The following MBOAT1 variants were observed in gnomAD, a reference collection of about 807,000 sequenced individuals.
MBOAT1 encodes membrane bound glycerophospholipid O-acyltransferase 1.
MBOAT1 carries 67 observed loss-of-function variants against 64.4 expected under a neutral mutation model. The ratio of observed to expected loss-of-function variants is 1.04; its 90% CI spans 0.85 to 1.27. The LOEUF (loss-of-function observed/expected upper bound fraction) is 1.27, where lower values mean the gene tolerates loss of function less well. Among genes scored for constraint, MBOAT1 ranks in the 50% most tolerant of loss-of-function variants. The pLI, the probability that MBOAT1 is intolerant of heterozygous loss-of-function variation, is 0.00. For missense variants in MBOAT1, 563 were observed against 604.6 expected, an observed-to-expected ratio of 0.93 and a Z score of 0.72; for synonymous variants, 229 against 218.9, an observed-to-expected ratio of 1.05 and a Z score of -0.41.
At chr6:20,200,686 G>T (rs72826633) in intron 1 of MBOAT1, among the ~76,000 whole-genome samples, 2 of 152,186 alleles carry the variant, frequency 1.3e-5, no homozygotes, top group Non-Finnish European at 2.9e-5. Flanking sequence ...GTAGCACTCC[G>T]GAGTGTCCAT....
chr6:20,156,257 C>T (rs1239526490), intron 1 of MBOAT1, among the ~76,000 whole-genome samples: 2 of 139,476 alleles, frequency 1.4e-5, no homozygotes, highest in African/African-American at 5.5e-5. Context: ...GGCGACAGGG[C>T]GAGACTCCCT....
At chr6:20,187,082 C>A (rs1290348532) in intron 1 of MBOAT1, among the ~76,000 whole-genome samples, 1 of 152,166 alleles carries the variant, frequency 6.6e-6, no homozygotes, top group Non-Finnish European at 1.5e-5. Context: ...TAAAGTCCTC[C>A]CAAAGACATG....
chr6:20,197,012 C>T (rs1762974128), intron 1 of MBOAT1, among the ~76,000 whole-genome samples: 1 of 152,024 alleles, frequency 6.6e-6, no homozygotes, highest in African/African-American at 2.4e-5. Flanking sequence ...GGTTATATAC[C>T]AATGTTGGTT....
chr6:20,105,656 C>T (rs545331251), intron 12 of MBOAT1, among the ~76,000 whole-genome samples: 93 of 152,116 alleles, frequency 6.1e-4, no homozygotes, highest in African/African-American at 2.0e-3. Flanking sequence ...CCCAGCTACT[C>T]GGGAGGCTGA....
rs1321530902 is a variant in MBOAT1 at position 20,100,116 on chromosome 6, A to C, written c.*2170T>G. Among the ~76,000 whole-genome samples, 1 of 152,174 alleles carries C rather than the reference A, an allele frequency of 6.6e-6. No homozygotes were observed. The highest frequency in any genetic ancestry group is 1.9e-4 in the East Asian group (1 of 5,184). ...TGAGGGCTTGAGAGAGTCCTTGGCA[A>C]ACCAGGGCAGCTGGTCACCAAAGCA... On this transcript the variant is annotated 3_prime_UTR_variant, in exon 13 of 13. Coordinates refer to ENST00000324607, the MANE Select transcript of MBOAT1 (RefSeq NM_001080480.3).
rs879232517 is a variant in MBOAT1 at position 20,152,771 on chromosome 6, T to A, written c.100-2A>T. The A allele has an allele frequency of 3.1e-6, 5 of 1,601,846 alleles. No individual in the cohort carries two copies. Among genetic ancestry groups the A allele is most frequent in the Non-Finnish European group, 4.3e-6 (5 of 1,174,470 alleles). On this transcript the variant is annotated splice_acceptor_variant, in intron 1 of 12. Transcript: ENST00000324607. LOFTEE classifies it high-confidence loss of function. ...AAGCTGGCATACCACAAAATTCACC[T>A]GTGGCAGGGGAAGAGAAAATAAAAA...
At chr6:20,207,954 C>A (rs1281419854) in intron 1 of MBOAT1, among the ~76,000 whole-genome samples, 1 of 152,104 alleles carries the variant, frequency 6.6e-6, no homozygotes, top group Non-Finnish European at 1.5e-5. Context: ...TGATTTTTTT[C>A]ATCTTTGTAT....
At chr6:20,120,725 A>G (rs1280552201) in intron 8 of MBOAT1, among the ~76,000 whole-genome samples, 2 of 152,168 alleles carry the variant, frequency 1.3e-5, no homozygotes, top group Admixed American at 6.5e-5. Context: ...TCAATCCTAG[A>G]ACTTGATTCC....
chr6:20,212,329 G>A lies in MBOAT1; in HGVS notation c.-95C>T. On this transcript the variant is annotated 5_prime_UTR_variant, in exon 1 of 13. Coordinates refer to ENST00000324607, the MANE Select transcript of MBOAT1 (RefSeq NM_001080480.3). Reference sequence around the variant, plus strand: ...GGGTGCTCTTGGGTGGTTGCCCCGAGAGGCGCACGGCCGCCTGGTTCGCGG... The same window carrying A: ...GGGTGCTCTTGGGTGGTTGCCCCGAAAGGCGCACGGCCGCCTGGTTCGCGG... 8.7e-7 allele frequency: 1 copy of A among 1,148,456 alleles called. No individual in the cohort carries two copies. Among genetic ancestry groups the A allele is most frequent in the South Asian group, 1.4e-5 (1 of 72,794 alleles). 71.1% of individuals were successfully genotyped at this position (1,148,456 alleles called of 1,614,324 possible).
At chr6:20,130,734 T>C (rs530821718) in intron 5 of MBOAT1, among the ~76,000 whole-genome samples, 23 of 151,928 alleles carry the variant, frequency 1.5e-4, no homozygotes, top group African/African-American at 4.3e-4. Context: ...CAACCTAGCA[T>C]TTAAAAATGA....
At chr6:20,188,143 T>C (rs973035005) in intron 1 of MBOAT1, among the ~76,000 whole-genome samples, 1 of 152,210 alleles carries the variant, frequency 6.6e-6, no homozygotes, top group Admixed American at 6.5e-5. Flanking sequence ...GATGCCTCAG[T>C]CTTTGTAGAG....
chr6:20,193,618 T>C (rs1053441410), intron 1 of MBOAT1, among the ~76,000 whole-genome samples: 1 of 151,060 alleles, frequency 6.6e-6, no homozygotes, highest in African/African-American at 2.4e-5. Flanking sequence ...TTTTTTTTTT[T>C]TTTTTTAAAG....
chr6:20,174,242 C>T (rs1762279797), intron 1 of MBOAT1, among the ~76,000 whole-genome samples: 1 of 152,172 alleles, frequency 6.6e-6, no homozygotes, highest in South Asian at 2.1e-4. Context: ...TCCTGCGTCG[C>T]TTAACAATGG....
intron 1 of MBOAT1, among the ~76,000 whole-genome samples, chr6:20,162,025 C>T (rs1371855802): frequency 6.6e-6 from 1 of 152,086 alleles, no homozygotes; most frequent in Non-Finnish European, 1.5e-5. Flanking sequence ...CTGTGTCTTC[C>T]CTGTGTGTGT....
chr6:20,127,140 G>A (rs1405599559), intron 6 of MBOAT1, among the ~76,000 whole-genome samples: 1 of 152,122 alleles, frequency 6.6e-6, no homozygotes, highest in African/African-American at 2.4e-5. Context: ...ACAAATGATG[G>A]GTGGAACCAG....
At chr6:20,154,425 T>C (rs1382199556) in intron 1 of MBOAT1, among the ~76,000 whole-genome samples, 3 of 151,922 alleles carry the variant, frequency 2.0e-5, no homozygotes, top group Admixed American at 1.3e-4. Flanking sequence ...CCCAGCTACT[T>C]GGGAGGCTGA....
rs796173093 is a variant in MBOAT1 at position 20,171,483 on chromosome 6, G to T, written c.100-18714C>A. On this transcript the variant is annotated intron_variant, in intron 1 of 12. Coordinates refer to ENST00000324607, the MANE Select transcript of MBOAT1 (RefSeq NM_001080480.3). ...CAGGAGGATCACTTGAGCCCGGGAG[G>T]TCTAGGCTGCAGTGAGCTATGACTG... Among the ~76,000 whole-genome samples the T allele has an allele frequency of 9.9e-5, 15 of 151,296 alleles. No homozygotes were observed. In the East Asian group the frequency reaches 2.2e-3, roughly 22 times the overall value.
chr6:20,141,359 C>CTTTTTT (rs755615744), intron 4 of MBOAT1, among the ~76,000 whole-genome samples: 63 of 99,784 alleles, frequency 6.3e-4, no homozygotes, highest in African/African-American at 1.6e-3. Context: ...TTTTCTTTTT[C>CTTTTTT]TTTTTTTTTT....
intron 1 of MBOAT1, 29 bp downstream of exon 1, chr6:20,212,107 G>C: frequency 6.2e-7 from 1 of 1,603,434 alleles, no homozygotes; most frequent in Non-Finnish European, 8.5e-7. Context: ...TGGGGAGCTG[G>C]GGTCGCTGCG....
Sources: gnomAD v4.1 joint callset for allele counts (sites outside exome capture counted in the v4.1 genomes callset) on GRCh38, gnomAD v4.1.1 for gene constraint, MANE v1.5 for transcripts, NCBI Gene and HGNC (gene_info 2026-07-23, HGNC 2026-07-21) for gene names.